Variants in CTNNA2 observed in about 807,000 individuals in gnomAD.
CTNNA2 encodes catenin alpha 2.
In CTNNA2, 42 loss-of-function variants were observed where a neutral mutation model predicts 101.0. The ratio of observed to expected loss-of-function variants is 0.42; its 90% CI spans 0.32 to 0.54. The LOEUF (loss-of-function observed/expected upper bound fraction) is 0.54. Ranked by LOEUF, CTNNA2 falls within the 20% of genes least tolerant of loss-of-function variation. CTNNA2 has a pLI of 0.14. For synonymous variants in CTNNA2, 450 were observed against 456.4 expected (o/e 0.99, Z 0.18); for missense variants, 871 against 1,223.1 (o/e 0.71, Z 4.29).
intron 9 of CTNNA2, among the ~76,000 whole-genome samples, chr2:80,425,587 A>G (rs1303308394): frequency 1.3e-5 from 2 of 152,140 alleles, no homozygotes; most frequent in Non-Finnish European, 2.9e-5. Flanking sequence ...CATTAATCAC[A>G]TAAGAATCAT....
intron 13 of CTNNA2, among the ~76,000 whole-genome samples, chr2:80,574,849 C>A (rs970514107): frequency 2.6e-5 from 4 of 152,132 alleles, no homozygotes; most frequent in African/African-American, 9.7e-5. Context: ...CTTCAGACTT[C>A]TGTTGTTAGG....
At chr2:80,513,901 C>T (rs1284310787) in intron 9 of CTNNA2, among the ~76,000 whole-genome samples, 1 of 152,224 alleles carries the variant, frequency 6.6e-6, no homozygotes, top group Non-Finnish European at 1.5e-5. Context: ...ATTTCTTCTT[C>T]AGTATCTATA....
intron 3 of CTNNA2, among the ~76,000 whole-genome samples, chr2:79,816,547 G>A (rs1351048357): frequency 6.6e-6 from 1 of 152,128 alleles, no homozygotes; most frequent in East Asian, 1.9e-4. Flanking sequence ...AAGAAGAGCA[G>A]GAGCATATAT....
intron 18 of CTNNA2, among the ~76,000 whole-genome samples, chr2:80,632,821 T>C (rs142344393): frequency 1.2e-3 from 185 of 152,330 alleles, no homozygotes; most frequent in African/African-American, 4.3e-3. Context: ...AGTCACAGAC[T>C]TCTCTAAAAT....
intron 2 of CTNNA2, among the ~76,000 whole-genome samples, chr2:79,296,446 T>C (rs1309529043): frequency 6.6e-6 from 1 of 152,226 alleles, no homozygotes; most frequent in Non-Finnish European, 1.5e-5. Context: ...GAATATAAAC[T>C]GTGGCTTTTT....
At chr2:79,703,722 G>A (rs1050646909) in intron 2 of CTNNA2, among the ~76,000 whole-genome samples, 2 of 152,000 alleles carry the variant, frequency 1.3e-5, no homozygotes, top group Non-Finnish European at 2.9e-5. Flanking sequence ...TTAATTTAGA[G>A]CAAATTTTTA....
chr2:79,869,213 C>G (rs141635793), intron 4 of CTNNA2, among the ~76,000 whole-genome samples: 4 of 152,336 alleles, frequency 2.6e-5, no homozygotes, highest in Non-Finnish European at 5.9e-5. Context: ...CTCTCCACCC[C>G]CATTCCACTC....
At chr2:80,306,350 G>A (rs1233564735) in intron 7 of CTNNA2, among the ~76,000 whole-genome samples, 1 of 151,778 alleles carries the variant, frequency 6.6e-6, no homozygotes, top group African/African-American at 2.4e-5. Flanking sequence ...GCTTGCAACT[G>A]GCACAGATGG....
chr2:79,899,024 A>C (rs2916512), intron 6 of CTNNA2, among the ~76,000 whole-genome samples: 23,895 of 152,170 alleles, frequency 0.16, 2,271 homozygotes, highest in South Asian at 0.23. Flanking sequence ...ACCACAGTAA[A>C]GCAGGGTTTT....
At chr2:79,388,007 T>C (rs558818397) in intron 4 of CTNNA2, among the ~76,000 whole-genome samples, 3 of 152,286 alleles carry the variant, frequency 2.0e-5, no homozygotes, top group Admixed American at 2.0e-4. Flanking sequence ...AGCATGGATT[T>C]GATTTTACTG....
intron 7 of CTNNA2, among the ~76,000 whole-genome samples, chr2:79,936,333 C>T (rs1687788192): frequency 6.6e-6 from 1 of 151,302 alleles, no homozygotes; most frequent in Admixed American, 6.6e-5. Context: ...AGTTTATCTA[C>T]AGTTTACGGT....
At chr2:79,472,825 A>C (rs1330446254) in intron 4 of CTNNA2, among the ~76,000 whole-genome samples, 1 of 152,046 alleles carries the variant, frequency 6.6e-6, no homozygotes, top group African/African-American at 2.4e-5. Context: ...CTCTCATTTT[A>C]CTGTATAGGA....
At chr2:80,118,329 G>A (rs1042310458) in intron 7 of CTNNA2, among the ~76,000 whole-genome samples, 1 of 152,224 alleles carries the variant, frequency 6.6e-6, no homozygotes, top group Non-Finnish European at 1.5e-5. Context: ...CATTGGAATG[G>A]AGGAAGTCCA....
intron 7 of CTNNA2, among the ~76,000 whole-genome samples, chr2:80,118,139 A>C (rs2148873133): frequency 6.6e-6 from 1 of 152,112 alleles, no homozygotes; most frequent in Admixed American, 6.5e-5. Context: ...TGTTTTGAAA[A>C]ATACATTGTG....
intron 3 of CTNNA2, among the ~76,000 whole-genome samples, chr2:79,777,655 A>G (rs1674078409): frequency 6.6e-6 from 1 of 152,108 alleles, no homozygotes; most frequent in African/African-American, 2.4e-5. Context: ...ATGGGATTAA[A>G]ACCCATCTTA....
chr2:79,791,351 G>A (rs865860213), intron 3 of CTNNA2, among the ~76,000 whole-genome samples: 5 of 152,044 alleles, frequency 3.3e-5, no homozygotes, highest in Non-Finnish European at 7.4e-5. Flanking sequence ...TGCCTCAACC[G>A]ATCCTTTTTA....
At chr2:80,631,513 G>T (rs1435424575) in intron 18 of CTNNA2, among the ~76,000 whole-genome samples, 2 of 151,988 alleles carry the variant, frequency 1.3e-5, no homozygotes, top group Admixed American at 6.6e-5. Flanking sequence ...GAGGCTCTTT[G>T]TTGGACCAAA....
chr2:80,284,360 T>G (rs1219136187), intron 7 of CTNNA2, among the ~76,000 whole-genome samples: 2 of 152,124 alleles, frequency 1.3e-5, no homozygotes, highest in Non-Finnish European at 2.9e-5. Flanking sequence ...TGTCAAGATT[T>G]TGGTTGTAGT....
chr2:80,104,496 G>A (rs887798335), intron 7 of CTNNA2, among the ~76,000 whole-genome samples: 2 of 152,106 alleles, frequency 1.3e-5, no homozygotes, highest in African/African-American at 2.4e-5. Context: ...ACTTCTAACC[G>A]ACAATAAACC....
Sources: allele counts gnomAD v4.1 joint callset (sites outside exome capture counted in the v4.1 genomes callset), GRCh38; gene constraint gnomAD v4.1.1; transcripts MANE v1.5; gene names NCBI Gene and HGNC (gene_info 2026-07-23, HGNC 2026-07-21).